The following NOL4 variants were observed in gnomAD, a reference collection of about 807,000 sequenced individuals.
NOL4 encodes nucleolar protein 4.
NOL4 carries 17 observed loss-of-function variants against 75.9 expected under a neutral mutation model. That is an observed-to-expected ratio of 0.22 (90% CI 0.15 to 0.34). NOL4 has a LOEUF of 0.34. Among genes scored for constraint, NOL4 ranks in the 10% least tolerant of loss-of-function variants. The pLI, the probability that NOL4 is intolerant of heterozygous loss-of-function variation, is 1.00. For synonymous variants in NOL4, 292 were observed against 289.9 expected (o/e 1.01, Z -0.07); for missense variants, 614 against 793.5 (o/e 0.77, Z 2.72).
chr18:34,030,706 G>A (rs2075596844), intron 5 of NOL4, among the ~76,000 whole-genome samples: 1 of 151,902 alleles, frequency 6.6e-6, no homozygotes, highest in African/African-American at 2.4e-5. Context: ...GCTAGAAGGA[G>A]CATATTGAAT....
At chr18:34,143,801 G>A (rs1024800126) in intron 1 of NOL4, among the ~76,000 whole-genome samples, 2 of 147,064 alleles carry the variant, frequency 1.4e-5, no homozygotes, top group Admixed American at 7.0e-5. Flanking sequence ...GGGAGTGGAG[G>A]TTGCAGTGAG....
chr18:33,967,496 G>T (rs2070698442), intron 6 of NOL4, among the ~76,000 whole-genome samples: 1 of 152,148 alleles, frequency 6.6e-6, no homozygotes, highest in African/African-American at 2.4e-5. Context: ...AAGAGCTTCT[G>T]CACGGCAAAA....
chr18:34,159,394 CGTCCGCTTCACCCGAGCATGAGCTTGG>C, intron 1 of NOL4, among the ~76,000 whole-genome samples: 1 of 152,142 alleles, frequency 6.6e-6, no homozygotes, highest in Non-Finnish European at 1.5e-5. Flanking sequence ...ATGAGATCTG[CGTCCGCTTCACCCGAGCATGAGCTTGG>C]GTCTCTCGGA....
intron 9 of NOL4, among the ~76,000 whole-genome samples, chr18:33,920,763 C>T (rs2066990777): frequency 6.6e-6 from 1 of 152,096 alleles, no homozygotes; most frequent in African/African-American, 2.4e-5. Flanking sequence ...AGGAGACTGA[C>T]AAAGTTTTTG....
intron 5 of NOL4, among the ~76,000 whole-genome samples, chr18:34,040,763 G>A (rs531284777): frequency 2.6e-5 from 4 of 151,954 alleles, no homozygotes; most frequent in Admixed American, 1.3e-4. Flanking sequence ...GATAAACAAC[G>A]AAAAGAACCA....
chr18:34,144,121 C>T (rs1049216911), intron 1 of NOL4, among the ~76,000 whole-genome samples: 1 of 152,042 alleles, frequency 6.6e-6, no homozygotes, highest in Non-Finnish European at 1.5e-5. Flanking sequence ...AGAGTATAGA[C>T]AATACTACAC....
At chr18:34,151,358 G>A (rs1239086780) in intron 1 of NOL4, among the ~76,000 whole-genome samples, 1 of 151,702 alleles carries the variant, frequency 6.6e-6, no homozygotes, top group Non-Finnish European at 1.5e-5. Flanking sequence ...CCCAGACAAT[G>A]AAATATTTCT....
chr18:33,866,197 T>C (rs1412897448), intron 10 of NOL4, among the ~76,000 whole-genome samples: 1 of 152,148 alleles, frequency 6.6e-6, no homozygotes, highest in Non-Finnish European at 1.5e-5. Context: ...ACTTAAAAGA[T>C]TAATTTTAGT....
chr18:34,020,644 A>G (rs932805903), intron 5 of NOL4, among the ~76,000 whole-genome samples: 1 of 152,186 alleles, frequency 6.6e-6, no homozygotes, highest in African/African-American at 2.4e-5. Flanking sequence ...AAATTGTTAG[A>G]TTATTATGTA....
chr18:33,903,397 T>C (rs576120218), intron 9 of NOL4, among the ~76,000 whole-genome samples: 1 of 152,156 alleles, frequency 6.6e-6, no homozygotes, highest in African/African-American at 2.4e-5. Flanking sequence ...GAAATTTGAG[T>C]GGGGACAGAG....
At chr18:33,887,548 C>A (rs1041959160) in intron 9 of NOL4, among the ~76,000 whole-genome samples, 32 of 151,748 alleles carry the variant, frequency 2.1e-4, no homozygotes, top group African/African-American at 7.5e-4. Context: ...TTAGGTATTT[C>A]TCCTAATGCT....
intron 6 of NOL4, among the ~76,000 whole-genome samples, chr18:33,978,612 T>C (rs1050037538): frequency 5.9e-5 from 9 of 152,078 alleles, no homozygotes; most frequent in African/African-American, 2.2e-4. Flanking sequence ...AGATGTATAA[T>C]GTCATCCCTC....
chr18:33,870,518 C>T (rs969028064), intron 10 of NOL4, among the ~76,000 whole-genome samples: 1 of 151,894 alleles, frequency 6.6e-6, no homozygotes, highest in South Asian at 2.1e-4. Context: ...GAGCAGACCA[C>T]AGATGGACAG....
At chr18:34,138,283 TC>T (rs1350823552) in intron 1 of NOL4, among the ~76,000 whole-genome samples, 1 of 152,028 alleles carries the variant, frequency 6.6e-6, no homozygotes, top group African/African-American at 2.4e-5. Context: ...ATGCCTGTAG[TC>T]CCAGATGCTC....
chr18:34,199,316 G>A (rs1019892635), intron 1 of NOL4, among the ~76,000 whole-genome samples: 2 of 151,650 alleles, frequency 1.3e-5, no homozygotes, highest in Non-Finnish European at 3.0e-5. Context: ...TAAAGTGCTA[G>A]CCTCCAACCT....
At chr18:33,901,337 C>T (rs1211731564) in intron 9 of NOL4, among the ~76,000 whole-genome samples, 1 of 152,020 alleles carries the variant, frequency 6.6e-6, no homozygotes, top group African/African-American at 2.4e-5. Flanking sequence ...CTTTAAGGTT[C>T]TTACTTAGAT....
chr18:33,996,606 C>T (rs1409252897), intron 6 of NOL4, among the ~76,000 whole-genome samples: 1 of 151,798 alleles, frequency 6.6e-6, no homozygotes, highest in African/African-American at 2.4e-5. Context: ...CTGTTGCTCT[C>T]ATCTTTATTT....
In NOL4 at chr18:34,049,282, G is replaced by A. The variant is rs150686017; in HGVS notation, c.773-29681C>T. 2.6e-3 allele frequency among the ~76,000 whole-genome samples: 395 copies of A among 151,190 alleles called. 4 individuals are homozygous for A. Among genetic ancestry groups the A allele is most frequent in the African/African-American group, 7.7e-3 (317 of 41,134 alleles). ...ATCATTTAGAAAAATAATTATAACC[G>A]GAATTTAAGTGCCTGTGCCACAGCA... is the stretch of plus-strand genomic sequence containing the variant. On this transcript the variant is annotated intron_variant, in intron 5 of 10. Transcript: ENST00000261592.
intron 6 of NOL4, among the ~76,000 whole-genome samples, chr18:34,018,826 G>C (rs1470575328): frequency 6.6e-6 from 1 of 151,892 alleles, no homozygotes; most frequent in African/African-American, 2.4e-5. Context: ...CTTCATCCAG[G>C]ACCCTCACAC....
Sources: allele counts gnomAD v4.1 joint callset (sites outside exome capture counted in the v4.1 genomes callset), GRCh38; gene constraint gnomAD v4.1.1; transcripts MANE v1.5; gene names NCBI Gene and HGNC (gene_info 2026-07-23, HGNC 2026-07-21).